Variants in IL17RA observed in about 807,000 individuals in gnomAD.
IL17RA encodes interleukin 17 receptor A.
IL17RA carries 34 observed loss-of-function variants against 50.4 expected under a neutral mutation model. That is an observed-to-expected ratio of 0.67 (90% CI 0.51 to 0.90). IL17RA has a LOEUF of 0.90. Among genes scored for constraint, IL17RA ranks in the 40% least tolerant of loss-of-function variants. IL17RA has a pLI of 0.00. For synonymous variants in IL17RA, 585 were observed against 510.4 expected, an observed-to-expected ratio of 1.15 and a Z score of -1.97; for missense variants, 1,276 against 1,169.8, an observed-to-expected ratio of 1.09 and a Z score of -1.32.
chr22:17,103,608 G>A (rs1312869256), intron 8 of IL17RA, 31 bp downstream of exon 8: 3 of 1,551,382 alleles, frequency 1.9e-6, no homozygotes, highest in Non-Finnish European at 1.8e-6. Context: ...CAGGTGCAGG[G>A]AGCAAAACAG....
Position 17,108,475 on chromosome 22 carries a change from C to T in IL17RA, c.1256C>T (p.Ala419Val). The T allele has an allele frequency of 6.2e-7, 1 of 1,613,580 alleles. No homozygotes were observed. The highest frequency in any genetic ancestry group is 1.7e-5 in the Admixed American group (1 of 60,034). The part of the protein sequence containing the change: ...EVALDLLEEQ[A>V]ISEAGVMTWV... ...GCCCTGGACCTGCTGGAAGAGCAGG[C>T]CATCTCGGAGGCAGGAGTCATGACC... The change falls in exon 13 of 13, where the codon GCC becomes GTC. Residue 419 changes from alanine to valine, a missense_variant. Transcript: ENST00000319363.
chr22:17,108,746 T>C lies in IL17RA; in HGVS notation c.1527T>C (p.Cys509=). 6.2e-7 allele frequency: 1 copy of C among 1,611,744 alleles called. No individual in the cohort carries two copies. The highest frequency in any genetic ancestry group is 8.5e-7 in the Non-Finnish European group (1 of 1,179,528). Residue 509 remains cysteine, a synonymous_variant, in exon 13 of 13, where the codon TGT becomes TGC. Transcript: ENST00000319363. ...TCTGCTACTTCAGCGAGGTCAGCTG[T>C]GACGGCGACGTCCCCGACCTGTTCG... ...YVVCYFSEVS[C]DGDVPDLFGA...
At chr22:17,103,397 T>C (rs1355478234) in intron 7 of IL17RA, 97 bp from the exon 8 acceptor site, 6 of 951,908 alleles carry the variant, frequency 6.3e-6, no homozygotes, top group Admixed American at 1.9e-5. Context: ...TAAGGGGTGC[T>C]CTGGACAGCC....
At chr22:17,103,441 A>G in intron 7 of IL17RA, 53 bp from the exon 8 acceptor site, 1 of 1,483,454 alleles carries the variant, frequency 6.7e-7, no homozygotes, top group Non-Finnish European at 9.4e-7. Context: ...GTTCTTACCC[A>G]ACTAGCCTTA....
rs535902327 is a variant in IL17RA, at chr22:17,108,572, G to A, written c.1353G>A (p.Thr451=). ...SKIIVLCSRG[T]RAKWQALLGR... ...TCATCGTCCTGTGCTCCCGCGGCAC[G>A]CGCGCCAAGTGGCAGGCGCTCCTGG... The change falls in exon 13 of 13, where the codon ACG becomes ACA. Residue 451 remains threonine, a synonymous_variant. Transcript: ENST00000319363. 11 of 1,606,624 alleles carry A rather than the reference G, an allele frequency of 6.8e-6. No individual in the cohort carries two copies. The highest frequency in any genetic ancestry group is 4.4e-5 in the South Asian group (4 of 91,088).
At position 17,102,150 on chromosome 22, in the gene IL17RA, GACCCCAACAT is replaced by G; in HGVS notation, c.611_620del (p.Asp204AlafsTer13). The G allele has an allele frequency of 6.2e-7, 1 of 1,614,142 alleles. No homozygotes were observed. The highest frequency in any genetic ancestry group is 8.5e-7 in the Non-Finnish European group (1 of 1,180,028). ...TGTGACCTTGGCAGGCAGCCTGTGG[GACCCCAACAT>G]CACCGTGGAGACCCTGGAGGCCCAC... On this transcript the variant is annotated frameshift_variant, in exon 7 of 13. Coordinates refer to ENST00000319363, the MANE Select transcript of IL17RA (RefSeq NM_014339.7). LOFTEE classifies it high-confidence loss of function.
Position 17,101,997 on chromosome 22 carries a change from C to G in IL17RA, c.552C>G (p.Asp184Glu). The G allele has an allele frequency of 2.5e-6, 4 of 1,614,236 alleles. No homozygotes were observed. The highest frequency in any genetic ancestry group is 3.4e-6 in the Non-Finnish European group (4 of 1,180,044). The change falls in exon 6 of 13, where the codon GAC becomes GAG. Residue 184 changes from aspartate to glutamate, a missense_variant and splice_region_variant. Transcript: ENST00000319363. ...NHQSKNFLVP[D>E]CEHARMKVTT... ...GTTTCCTTTTTTCTGGGTCGACAGA[C>G]TGTGAGCACGCCAGGATGAAGGTAA...
At chr22:17,101,845 G>T in intron 5 of IL17RA, 151 bp from the exon 6 acceptor site, 1 of 873,088 alleles carries the variant, frequency 1.1e-6, no homozygotes, top group Non-Finnish European at 1.9e-6. Flanking sequence ...CCCATGCCAA[G>T]GTGGGTCCAG....
chr22:17,104,914 G>A, intron 9 of IL17RA, 104 bp downstream of exon 9: 2 of 1,108,670 alleles, frequency 1.8e-6, no homozygotes, highest in Non-Finnish European at 2.7e-6. Context: ...GATTAGGGAG[G>A]AGAGTTTAGT....
At chr22:17,106,364 G>T (rs1740409579) in intron 11 of IL17RA, among the ~76,000 whole-genome samples, 1 of 152,184 alleles carries the variant, frequency 6.6e-6, no homozygotes, top group Non-Finnish European at 1.5e-5. Flanking sequence ...GAAGGCTCCG[G>T]CTGCCCTGAG....
In IL17RA at chr22:17,102,155, CAACATCACCG is replaced by C; in HGVS notation, c.616_625del (p.Asn206TrpfsTer11). ...CCTTGGCAGGCAGCCTGTGGGACCCCAACATCACCGTGGAGACCCTGGAGGCCCACCAGCT... is the reference window on the plus strand; with the variant it reads ...CCTTGGCAGGCAGCCTGTGGGACCCCTGGAGACCCTGGAGGCCCACCAGCT... On this transcript the variant is annotated frameshift_variant, in exon 7 of 13. Coordinates refer to ENST00000319363, the MANE Select transcript of IL17RA (RefSeq NM_014339.7). LOFTEE classifies it high-confidence loss of function. 1 of 1,614,172 alleles carries C rather than the reference CAACATCACCG, an allele frequency of 6.2e-7. No homozygotes were observed. The highest frequency in any genetic ancestry group is 8.5e-7 in the Non-Finnish European group (1 of 1,180,020).
intron 4 of IL17RA, among the ~76,000 whole-genome samples, chr22:17,099,998 A>G (rs1601342495): frequency 1.3e-5 from 2 of 152,154 alleles, no homozygotes; most frequent in Admixed American, 6.6e-5. Flanking sequence ...CCAGATCTCC[A>G]TAGCCCCAAG....
In IL17RA at chr22:17,097,044, A is replaced by C. The variant is rs2061370840; in HGVS notation, c.139-18A>C. The C allele has an allele frequency of 6.2e-7, 1 of 1,612,182 alleles. No individual in the cohort carries two copies. Among genetic ancestry groups the C allele is most frequent in the Non-Finnish European group, 8.5e-7 (1 of 1,178,578 alleles). Reference sequence around the variant, plus strand: ...AAGCCTTTTCCCAGCTGTAATAACCACCCTCTTTTTTCCACAGGGGCTAAA... The same window carrying C: ...AAGCCTTTTCCCAGCTGTAATAACCCCCCTCTTTTTTCCACAGGGGCTAAA... On this transcript the variant is annotated intron_variant, in intron 1 of 12. Transcript: ENST00000319363.
In IL17RA at chr22:17,110,147, A is replaced by C; in HGVS notation, c.*327A>C. Reference sequence around the variant, plus strand: ...CATTTGGGATACCAAGATAAATTGCATGCGGCATGGCCCCAGCCATGAAGG... The same window carrying C: ...CATTTGGGATACCAAGATAAATTGCCTGCGGCATGGCCCCAGCCATGAAGG... On this transcript the variant is annotated 3_prime_UTR_variant, in exon 13 of 13. Coordinates refer to ENST00000319363, the MANE Select transcript of IL17RA (RefSeq NM_014339.7). The C allele has an allele frequency of 2.6e-6, 1 of 385,754 alleles. No homozygotes were observed. The highest frequency in any genetic ancestry group is 2.2e-5 in the South Asian group (1 of 44,964). 23.9% of individuals were successfully genotyped at this position (385,754 alleles called of 1,614,324 possible). A position where few individuals can be genotyped will look rare whatever the true frequency, so the allele number is the denominator to read the frequency against.
At chr22:17,101,797 G>A (rs535466029) in intron 5 of IL17RA, among the ~76,000 whole-genome samples, 199 bp from the exon 6 acceptor site, 2 of 152,316 alleles carry the variant, frequency 1.3e-5, no homozygotes, top group Admixed American at 6.5e-5. Context: ...CATCAGGAGG[G>A]TTCCCCGAGA....
rs1294821361 is a variant in IL17RA, at chr22:17,111,353, G to A, written c.*1533G>A. On this transcript the variant is annotated 3_prime_UTR_variant, in exon 13 of 13. Coordinates refer to ENST00000319363, the MANE Select transcript of IL17RA (RefSeq NM_014339.7). ...CACGTAGGATTCTTCAGAGCAGCTG[G>A]GCTGGAGCTCCCCTGAGCTCAGGAA... is the stretch of plus-strand genomic sequence containing the variant. 6.6e-6 allele frequency: 1 copy of A among 152,246 alleles called. No homozygotes were observed. The allele number at this position is 152,246 out of a possible 1,614,324, so 9.4% of individuals were successfully genotyped here.
At chr22:17,091,665 G>A (rs1013231333) in intron 1 of IL17RA, among the ~76,000 whole-genome samples, 3 of 150,668 alleles carry the variant, frequency 2.0e-5, no homozygotes, top group Admixed American at 6.6e-5. Context: ...GTGACAGAGC[G>A]AGACTCTGTC....
chr22:17,104,594 A>C, intron 8 of IL17RA, 132 bp from the exon 9 acceptor site: 1 of 803,932 alleles, frequency 1.2e-6, no homozygotes, highest in South Asian at 1.5e-5. Flanking sequence ...CCCTTGCTGG[A>C]GGGAGATGAT....
intron 1 of IL17RA, among the ~76,000 whole-genome samples, chr22:17,094,686 T>TCC (rs1458907293): frequency 8.0e-4 from 53 of 66,494 alleles, no homozygotes; most frequent in South Asian, 1.9e-3. Flanking sequence ...TCTCTCTCTC[T>TCC]CTCTCTATAT....
Sources: allele counts gnomAD v4.1 joint callset (sites outside exome capture counted in the v4.1 genomes callset), GRCh38; gene constraint gnomAD v4.1.1; transcripts MANE v1.5; gene names NCBI Gene and HGNC (gene_info 2026-07-23, HGNC 2026-07-21).